TAF1B: variants seen among roughly 807,000 people sequenced by gnomAD.
The protein encoded by TAF1B is TATA-box binding protein associated factor, RNA polymerase I subunit B.
A neutral mutation model predicts 83.9 loss-of-function variants in TAF1B; 61 were observed. The observed-to-expected ratio is 0.73, with a 90% CI of 0.59 to 0.90. The LOEUF (loss-of-function observed/expected upper bound fraction) is 0.90, where lower values mean the gene tolerates loss of function less well. Among genes scored for constraint, TAF1B ranks in the 40% least tolerant of loss-of-function variants. TAF1B has a pLI of 0.00. For missense variants in TAF1B, 625 were observed against 677.0 expected (o/e 0.92, Z 0.85); for synonymous variants, 221 against 224.6 (o/e 0.98, Z 0.14).
At chr2:9,919,566 T>C (rs751654204) in intron 13 of TAF1B, 32 bp from the exon 14 acceptor site, 2 of 1,562,128 alleles carry the variant, frequency 1.3e-6, no homozygotes, top group East Asian at 2.2e-5. Flanking sequence ...ACATTACTTG[T>C]TATTTTGTTT....
chr2:9,882,884 T>TTAC (rs1664555114), intron 8 of TAF1B, 79 bp downstream of exon 8: 1 of 1,068,646 alleles, frequency 9.4e-7, no homozygotes. Flanking sequence ...CTTGCTTGAC[T>TTAC]TATTATTTGG....
intron 7 of TAF1B, among the ~76,000 whole-genome samples, chr2:9,881,463 A>G (rs1664505743): frequency 6.6e-6 from 1 of 151,974 alleles, no homozygotes; most frequent in South Asian, 2.1e-4. Flanking sequence ...ACTTTCCTTA[A>G]TTTTCTTATT....
chr2:9,846,291 C>T (rs996380435), intron 2 of TAF1B: 5 of 364,596 alleles, frequency 1.4e-5, no homozygotes, highest in African/African-American at 1.1e-4. Context: ...GCTACCTTCA[C>T]ATTGTGAGTG....
At chr2:9,847,386 A>G (rs1663239363) in intron 2 of TAF1B, among the ~76,000 whole-genome samples, 2 of 152,316 alleles carry the variant, frequency 1.3e-5, no homozygotes, top group East Asian at 1.9e-4. Flanking sequence ...CTGTGAGAAT[A>G]TAATGTGGTA....
chr2:9,851,228 A>G (rs758794725), intron 3 of TAF1B, among the ~76,000 whole-genome samples: 3 of 152,114 alleles, frequency 2.0e-5, no homozygotes, highest in Non-Finnish European at 2.9e-5. Flanking sequence ...GTGACTATTC[A>G]TTTTTCTGCC....
At chr2:9,907,558 T>C (rs1336129255) in intron 9 of TAF1B, among the ~76,000 whole-genome samples, 1 of 152,034 alleles carries the variant, frequency 6.6e-6, no homozygotes, top group Non-Finnish European at 1.5e-5. Flanking sequence ...GGCAAGTATG[T>C]CACACACACC....
intron 14 of TAF1B, among the ~76,000 whole-genome samples, chr2:9,926,804 C>A (rs867382701): frequency 0.014 from 1,433 of 104,084 alleles, no homozygotes; most frequent in African/African-American, 0.021. Context: ...GACTCTGTCT[C>A]AAAAAAAAAA....
intron 5 of TAF1B, among the ~76,000 whole-genome samples, chr2:9,858,310 C>G (rs570823797): frequency 2.0e-5 from 3 of 152,310 alleles, no homozygotes; most frequent in African/African-American, 7.2e-5. Flanking sequence ...TCCAGGCATG[C>G]TGATGCAAGG....
Position 9,934,106 on chromosome 2 carries a change from A to T in TAF1B, c.*122A>T, listed in dbSNP as rs1007270552. ...TATATATGTATAGACTCTGACACAT[A>T]TTTACATATATATCAAGTGTGCTTA... On this transcript the variant is annotated 3_prime_UTR_variant, in exon 15 of 15. Coordinates refer to ENST00000263663, the MANE Select transcript of TAF1B (RefSeq NM_005680.3). 3 of 746,816 alleles carry T rather than the reference A, an allele frequency of 4.0e-6. No individual in the cohort carries two copies. Among genetic ancestry groups the T allele is most frequent in the East Asian group, 2.7e-5 (1 of 36,598 alleles). 46.3% of individuals were successfully genotyped at this position (746,816 alleles called of 1,614,324 possible).
At chr2:9,913,626 A>G (rs2125174448) in intron 12 of TAF1B, 1 of 159,360 alleles carries the variant, frequency 6.3e-6, no homozygotes, top group Non-Finnish European at 1.4e-5. Flanking sequence ...AATATTAAAA[A>G]GATTACAAAT....
chr2:9,870,372 C>G (rs1251963404), intron 6 of TAF1B, among the ~76,000 whole-genome samples: 1 of 152,122 alleles, frequency 6.6e-6, no homozygotes, highest in Non-Finnish European at 1.5e-5. Flanking sequence ...CCTACAGTCC[C>G]AGCTACTCAG....
At chr2:9,882,031 G>A (rs923003662) in intron 7 of TAF1B, among the ~76,000 whole-genome samples, 119 of 152,184 alleles carry the variant, frequency 7.8e-4, no homozygotes, top group African/African-American at 2.7e-3. Context: ...ATCATGCGAG[G>A]GGAGCTAGGG....
chr2:9,909,130 G>C (rs1275216421), intron 9 of TAF1B, among the ~76,000 whole-genome samples: 2 of 152,192 alleles, frequency 1.3e-5, no homozygotes, highest in African/African-American at 4.8e-5. Context: ...AATGTTTCAA[G>C]AAAGAAATTA....
chr2:9,852,300 G>C (rs1183329849), intron 4 of TAF1B, among the ~76,000 whole-genome samples: 1 of 152,122 alleles, frequency 6.6e-6, no homozygotes, highest in Non-Finnish European at 1.5e-5. Context: ...GCAATTATTT[G>C]AATTTCATAT....
chr2:9,913,054 AC>A lies in TAF1B; in HGVS notation c.1181-104del, dbSNP rs990388461. 10 of 892,736 alleles carry A rather than the reference AC, an allele frequency of 1.1e-5. No individual in the cohort carries two copies. The African/African-American group carries it at 1.7e-4, about 15-fold the overall frequency. 55.3% of individuals were successfully genotyped at this position (892,736 alleles called of 1,614,324 possible). ...ATGTCTACATCTTGATCACACACTCACACCAACTGCCCAGTGCAGTCAATTA... is the reference window on the plus strand; with the variant it reads ...ATGTCTACATCTTGATCACACACTCAACCAACTGCCCAGTGCAGTCAATTA... On this transcript the variant is annotated intron_variant, in intron 11 of 14. Coordinates refer to ENST00000263663, the MANE Select transcript of TAF1B (RefSeq NM_005680.3).
Position 9,868,330 on chromosome 2 carries a change from A to G in TAF1B, c.454A>G (p.Ser152Gly). 6.2e-7 allele frequency: 1 copy of G among 1,614,236 alleles called. No homozygotes were observed. Among genetic ancestry groups the G allele is most frequent in the East Asian group, 2.2e-5 (1 of 44,886 alleles). Residue 152 changes from serine (S) to glycine (G), a missense_variant, in exon 6 of 15, where the codon AGT (serine) becomes GGT (glycine). Physicochemically the swap from Ser to Gly is moderately conservative, Grantham distance 56. Coordinates refer to ENST00000263663, the MANE Select transcript of TAF1B (RefSeq NM_005680.3). The part of the protein sequence containing the change: ...SDWASEPELL[S>G]DVSCPPFLES... ...CTGGGCTAGTGAGCCTGAGCTGCTA[A>G]GTGATGTCAGCTGTCCTCCTTTTCT... is the stretch of plus-strand genomic sequence containing the variant.
chr2:9,870,443 T>C (rs988514904), intron 6 of TAF1B, among the ~76,000 whole-genome samples: 14 of 152,066 alleles, frequency 9.2e-5, no homozygotes, highest in African/African-American at 3.1e-4. Flanking sequence ...GCTGTGATCA[T>C]CCCACTGCAC....
chr2:9,868,011 AAG>A (rs112468512), intron 5 of TAF1B, among the ~76,000 whole-genome samples: 1 of 152,210 alleles, frequency 6.6e-6, no homozygotes, highest in Non-Finnish European at 1.5e-5. Context: ...TTAGCGCTGT[AAG>A]AGAGATGTTC....
intron 8 of TAF1B, among the ~76,000 whole-genome samples, chr2:9,899,143 C>T (rs1273560937): frequency 6.6e-6 from 1 of 152,178 alleles, no homozygotes; most frequent in Non-Finnish European, 1.5e-5. Context: ...AACTCATACC[C>T]ATTAAACACC....
Sources: gnomAD v4.1 joint callset for allele counts (sites outside exome capture counted in the v4.1 genomes callset) on GRCh38, gnomAD v4.1.1 for gene constraint, MANE v1.5 for transcripts, NCBI Gene and HGNC (gene_info 2026-07-23, HGNC 2026-07-21) for gene names.